Variants in ARHGEF10 observed in about 807,000 individuals in gnomAD.
ARHGEF10 encodes the protein Rho guanine nucleotide exchange factor 10, also known as Rho guanine nucleotide exchange factor (GEF) 10.
Under a neutral mutation model 147.4 loss-of-function variants are expected in ARHGEF10, and 140 were observed. The ratio of observed to expected loss-of-function variants is 0.95; its 90% CI spans 0.83 to 1.09. The LOEUF is 1.09. ARHGEF10 is among the 50% of genes least tolerant of loss of function. ARHGEF10 has a pLI of 0.00. For missense variants in ARHGEF10, 2,222 were observed against 1,752.7 expected (o/e 1.27, Z -4.78); for synonymous variants, 902 against 695.8 (o/e 1.30, Z -4.67).
intron 28 of ARHGEF10, among the ~76,000 whole-genome samples, chr8:1,955,631 T>C (rs927185153): frequency 3.0e-4 from 45 of 149,720 alleles, no homozygotes; most frequent in African/African-American, 9.8e-4. Flanking sequence ...AGCGAGGTGC[T>C]TCCTGAAAGG....
At chr8:1,922,425 C>G (rs1326189317) in intron 18 of ARHGEF10, among the ~76,000 whole-genome samples, 6 of 152,056 alleles carry the variant, frequency 3.9e-5, no homozygotes, top group Non-Finnish European at 8.8e-5. Flanking sequence ...ACAAAAGGGA[C>G]AAAACATGAA....
chr8:1,944,980 A>G lies in ARHGEF10; in HGVS notation c.3223-501A>G, dbSNP rs531398054. On this transcript the variant is annotated intron_variant, in intron 26 of 28. Transcript: ENST00000349830. ...TTTCGGAGCTGCGGGGCTGCAGCTG[A>G]GCCTGGAAGCTCCAGAAGGACCAAG... 2.6e-5 allele frequency among the ~76,000 whole-genome samples: 4 copies of G among 152,382 alleles called. No homozygotes were observed. In the East Asian group the frequency reaches 7.7e-4, roughly 29 times the overall value.
At chr8:1,912,965 CGTTGCGCTCCATCCT>C (rs1484661873) in intron 18 of ARHGEF10, among the ~76,000 whole-genome samples, 1 of 152,152 alleles carries the variant, frequency 6.6e-6, no homozygotes, top group East Asian at 1.9e-4. Flanking sequence ...TTCCTTCTCA[CGTTGCGCTCCATCCT>C]GTCTGGCAGG....
intron 8 of ARHGEF10, among the ~76,000 whole-genome samples, chr8:1,877,709 G>T (rs114001544): frequency 8.8e-5 from 12 of 136,398 alleles, no homozygotes; most frequent in South Asian, 2.4e-4. Context: ...GTGCCAGGCC[G>T]TGCCACCGGT....
rs543038929 is a variant in ARHGEF10 at position 1,939,750 on chromosome 8, G to A, written c.3223-5731G>A. 3.7e-4 allele frequency among the ~76,000 whole-genome samples: 57 copies of A among 152,228 alleles called. 1 individual carries two copies. Among genetic ancestry groups the A allele is most frequent in the Non-Finnish European group, 7.2e-4 (49 of 68,046 alleles). On this transcript the variant is annotated intron_variant, in intron 26 of 28. Transcript: ENST00000349830. ...CCCAAGGGGCTGCTGGAAGCAGAGG[G>A]TGGGTCTGCGAGCACAGTAGGGGAC...
chr8:1,923,313 C>G, intron 19 of ARHGEF10, 155 bp from the exon 20 acceptor site: 2 of 1,174,040 alleles, frequency 1.7e-6, no homozygotes, highest in East Asian at 4.7e-5. Flanking sequence ...CTCAGCCCCC[C>G]ACAGTGTGAT....
intron 2 of ARHGEF10, among the ~76,000 whole-genome samples, chr8:1,849,596 CAG>C (rs1451630027): frequency 2.9e-5 from 4 of 137,484 alleles, no homozygotes; most frequent in Admixed American, 7.5e-5. Flanking sequence ...TGCGTGGACA[CAG>C]ACGGCAAATG....
At position 1,907,692 on chromosome 8, in the gene ARHGEF10, G is replaced by C. The variant is rs75856072; in HGVS notation, c.1968-1603G>C. ...AACTCAGCTGTGCTTACTGCTAGAG[G>C]ATTCCTTAAAATAACGCCCCTGCCT... On this transcript the variant is annotated intron_variant, in intron 17 of 28. Transcript: ENST00000349830. 1.4e-4 allele frequency among the ~76,000 whole-genome samples: 22 copies of C among 152,288 alleles called. No individual in the cohort carries two copies. In the East Asian group the frequency reaches 4.1e-3, roughly 28 times the overall value.
chr8:1,929,226 C>T, intron 24 of ARHGEF10, 60 bp from the exon 25 acceptor site: 2 of 1,547,634 alleles, frequency 1.3e-6, no homozygotes, highest in Non-Finnish European at 1.8e-6. Context: ...TGTTAACAGG[C>T]ACCCTCGTTC....
chr8:1,925,549 A>T, intron 22 of ARHGEF10, 145 bp downstream of exon 22: 1 of 1,186,098 alleles, frequency 8.4e-7, no homozygotes, highest in Non-Finnish European at 1.2e-6. Flanking sequence ...GAGGTCATTT[A>T]TCTGGAAATA....
Position 1,879,946 on chromosome 8 carries a change from A to C in ARHGEF10, c.844-102A>C, listed in dbSNP as rs999095448. The C allele has an allele frequency of 2.8e-5, 24 of 843,572 alleles. 1 individual carries two copies. The highest frequency in any genetic ancestry group is 4.8e-5 in the Non-Finnish European group (23 of 477,402). The allele number at this position is 843,572 out of a possible 1,614,324, so 52.3% of individuals were successfully genotyped here. ...GAAGCCCCCAGCCAGGACAGGCCTG[A>C]TGTGCCACTGCAGACGCTGCCAGCA... On this transcript the variant is annotated intron_variant, in intron 8 of 28. Coordinates refer to ENST00000349830, the MANE Select transcript of ARHGEF10 (RefSeq NM_014629.4).
At chr8:1,886,419 AAG>A (rs1430950019) in intron 11 of ARHGEF10, among the ~76,000 whole-genome samples, 3 of 152,352 alleles carry the variant, frequency 2.0e-5, no homozygotes, top group East Asian at 3.9e-4. Context: ...CAGATAGAGC[AAG>A]AGAGAGCATT....
At chr8:1,918,278 G>T (rs1585531468) in intron 18 of ARHGEF10, among the ~76,000 whole-genome samples, 2 of 152,122 alleles carry the variant, frequency 1.3e-5, no homozygotes, top group Admixed American at 1.3e-4. Flanking sequence ...TTGCTCTGTG[G>T]TGTCATCTGT....
At chr8:1,918,937 C>T (rs1026818184) in intron 18 of ARHGEF10, among the ~76,000 whole-genome samples, 1 of 150,948 alleles carries the variant, frequency 6.6e-6, no homozygotes, top group Non-Finnish European at 1.5e-5. Flanking sequence ...TGGAGTTGTT[C>T]TGTCAGTGAT....
chr8:1,893,092 C>CAA (rs34033686), intron 11 of ARHGEF10, among the ~76,000 whole-genome samples: 8,886 of 76,644 alleles, frequency 0.12, 1,497 homozygotes, highest in African/African-American at 0.32. Flanking sequence ...AAGATCTTTG[C>CAA]AAAAAAAAAA....
chr8:1,882,764 G>A lies in ARHGEF10; in HGVS notation c.1075+15G>A. On this transcript the variant is annotated intron_variant, in intron 10 of 28. Coordinates refer to ENST00000349830, the MANE Select transcript of ARHGEF10 (RefSeq NM_014629.4). ...CATCGCACAGGGTCCGTGCCTGCAG[G>A]TCTTCTTGCGGGGAGGACACGGGGT... 5 of 1,527,910 alleles carry A rather than the reference G, an allele frequency of 3.3e-6. No individual in the cohort carries two copies. The Middle Eastern group carries it at 7.3e-4, about 223-fold the overall frequency. The allele number at this position is 1,527,910 out of a possible 1,614,324, so 94.6% of individuals were successfully genotyped here. A position where few individuals can be genotyped will look rare whatever the true frequency, so the allele number is the denominator to read the frequency against.
At chr8:1,886,758 T>G (rs937451610) in intron 11 of ARHGEF10, among the ~76,000 whole-genome samples, 1 of 152,184 alleles carries the variant, frequency 6.6e-6, no homozygotes, top group Non-Finnish European at 1.5e-5. Flanking sequence ...CCTTGTGTAC[T>G]CTGTAAGGAA....
intron 1 of ARHGEF10, among the ~76,000 whole-genome samples, chr8:1,832,823 GAGAGGCAGAGGC>G (rs1229120249): frequency 1.4e-5 from 1 of 70,310 alleles, no homozygotes. Context: ...GAGGCAGAGA[GAGAGGCAGAGGC>G]AGAGACAGAG....
chr8:1,869,555 C>A (rs572422153), intron 7 of ARHGEF10: 21 of 494,312 alleles, frequency 4.2e-5, no homozygotes, highest in Admixed American at 1.3e-4. Flanking sequence ...CAATGTATAT[C>A]GAATAAATGA....
Sources: allele counts gnomAD v4.1 joint callset (sites outside exome capture counted in the v4.1 genomes callset), GRCh38; gene constraint gnomAD v4.1.1; transcripts MANE v1.5; gene names NCBI Gene and HGNC (gene_info 2026-07-23, HGNC 2026-07-21).